The following DOT1L variants were observed in gnomAD, a reference collection of about 807,000 sequenced individuals.
DOT1L encodes histone-lysine N-methyltransferase, H3 lysine-79 specific.
In DOT1L, 33 loss-of-function variants were observed where a neutral mutation model predicts 153.3. That is an observed-to-expected ratio of 0.22 (90% CI 0.16 to 0.29). The LOEUF (loss-of-function observed/expected upper bound fraction) is 0.29, where lower values mean the gene tolerates loss of function less well. DOT1L is among the 10% of genes least tolerant of loss of function. The probability of loss-of-function intolerance (pLI) is 1.00; values close to 1 mark genes in which losing one functional copy is unlikely to be tolerated. For missense variants in DOT1L, 1,847 were observed against 2,119.9 expected (o/e 0.87, Z 2.53); for synonymous variants, 1,135 against 965.1 (o/e 1.18, Z -3.26).
intron 7 of DOT1L, among the ~76,000 whole-genome samples, chr19:2,196,245 C>T (rs2023015279): frequency 6.6e-6 from 1 of 152,250 alleles, no homozygotes; most frequent in African/African-American, 2.4e-5. Context: ...GAGCCCTTGC[C>T]AACTGGCTCT....
At chr19:2,209,533 C>T (rs769677629) in intron 12 of DOT1L, among the ~76,000 whole-genome samples, 1 of 152,220 alleles carries the variant, frequency 6.6e-6, no homozygotes, top group Non-Finnish European at 1.5e-5. Flanking sequence ...TCCTGGGCCC[C>T]CGCGCCCTGC....
At chr19:2,181,873 ACT>A (rs1158787453) in intron 2 of DOT1L, among the ~76,000 whole-genome samples, 1 of 151,674 alleles carries the variant, frequency 6.6e-6, no homozygotes, top group Admixed American at 6.6e-5. Flanking sequence ...GGGGGCCAAG[ACT>A]CTGCTGGCGT....
intron 9 of DOT1L, among the ~76,000 whole-genome samples, chr19:2,203,036 G>A (rs981617512): frequency 9.9e-5 from 15 of 151,666 alleles, no homozygotes; most frequent in African/African-American, 2.2e-4. Flanking sequence ...ATTCTTCTGC[G>A]TCAGTCTCCC....
chr19:2,216,893 A>G lies in DOT1L; in HGVS notation c.2409-62A>G, dbSNP rs2023926426. On this transcript the variant is annotated intron_variant, in intron 20 of 27. Transcript: ENST00000398665. ...GACTGAGGTGGGGAGGTGCTGGGCCAGGCCGCTGCCTCTGAGTGCCAGCCC... is the reference window on the plus strand; with the variant it reads ...GACTGAGGTGGGGAGGTGCTGGGCCGGGCCGCTGCCTCTGAGTGCCAGCCC... 4.5e-6 allele frequency: 7 copies of G among 1,569,354 alleles called. No individual in the cohort carries two copies. The Admixed American group carries it at 1.2e-4, about 27-fold the overall frequency.
intron 22 of DOT1L, among the ~76,000 whole-genome samples, chr19:2,219,401 G>A (rs949800580): frequency 2.6e-5 from 4 of 152,134 alleles, no homozygotes; most frequent in Non-Finnish European, 5.9e-5. Flanking sequence ...CTCCCTAGTC[G>A]TCCCCCAGCC....
At position 2,177,375 on chromosome 19, in the gene DOT1L, T is replaced by C. The variant is rs1029225454; in HGVS notation, c.82-3338T>C. Among the ~76,000 whole-genome samples, 5 of 152,066 alleles carry C rather than the reference T, an allele frequency of 3.3e-5. No individual in the cohort carries two copies. In the East Asian group the frequency reaches 7.7e-4, roughly 24 times the overall value. ...GCAATGCCGCGATCTCGGCTCACTG[T>C]AACCTCTGCCTCCCGGGTTCAAGCA... On this transcript the variant is annotated intron_variant, in intron 1 of 27. Coordinates refer to ENST00000398665, the MANE Select transcript of DOT1L (RefSeq NM_032482.3).
At position 2,226,703 on chromosome 19, in the gene DOT1L, A is replaced by G. The variant is rs756769886; in HGVS notation, c.4182A>G (p.Leu1394=). ...GCAAGGAGGCAGGGGAGGGCGGCCT[A>G]CCGCTGTGCGGGCCCACGGACAAGA... ...SRGKEAGEGG[L]PLCGPTDKTP... The change falls in exon 27 of 28, where the codon CTA becomes CTG. Residue 1394 remains leucine, a synonymous_variant. Coordinates refer to ENST00000398665, the MANE Select transcript of DOT1L (RefSeq NM_032482.3). 37 of 1,569,840 alleles carry G rather than the reference A, an allele frequency of 2.4e-5. 1 individual carries two copies. The South Asian group carries it at 4.0e-4, about 17-fold the overall frequency.
chr19:2,211,290 C>T, intron 15 of DOT1L, 78 bp downstream of exon 15: 1 of 1,297,096 alleles, frequency 7.7e-7, no homozygotes. Flanking sequence ...GTGACGCTGA[C>T]CTCGCAGCAG....
At chr19:2,169,334 G>C (rs1159383281) in intron 1 of DOT1L, among the ~76,000 whole-genome samples, 1 of 152,128 alleles carries the variant, frequency 6.6e-6, no homozygotes, top group Non-Finnish European at 1.5e-5. Context: ...TAAAGGAGTC[G>C]CTTTAAATAG....
rs1023702109 is a variant in DOT1L at position 2,217,466 on chromosome 19, T to C, written c.2545-306T>C. ...GGAAGGACGGTGACGTTGCATGGACTTGGCAGTGATGGATGTGGGCCCTGG... is the reference window on the plus strand; with the variant it reads ...GGAAGGACGGTGACGTTGCATGGACCTGGCAGTGATGGATGTGGGCCCTGG... On this transcript the variant is annotated intron_variant, in intron 21 of 27. Coordinates refer to ENST00000398665, the MANE Select transcript of DOT1L (RefSeq NM_032482.3). This position sits in a 1 kb window ranked among gnomAD's most constrained non-coding sequence, Gnocchi z 7.3. Among the ~76,000 whole-genome samples, 3 of 152,134 alleles carry C rather than the reference T, an allele frequency of 2.0e-5. No homozygotes were observed. The highest frequency in any genetic ancestry group is 4.4e-5 in the Non-Finnish European group (3 of 68,000).
chr19:2,225,431 C>A lies in DOT1L; in HGVS notation c.3640C>A (p.Pro1214Thr), dbSNP rs1302008529. The change falls in exon 26 of 28, where the codon CCC becomes ACC. Residue 1214 changes from proline to threonine, a missense_variant. Physicochemically the swap from Pro to Thr is conservative, Grantham distance 38 (BLOSUM62 -1). Transcript: ENST00000398665. ...AACAATCTCCTTAGAAAGCAAATCT[C>A]CCCCGAAAACCTTGGAAAATGGTGA... ...IATISLESKS[P>T]PKTLENGGGL... The A allele has an allele frequency of 2.5e-6, 4 of 1,614,078 alleles. No homozygotes were observed. Among genetic ancestry groups the A allele is most frequent in the Non-Finnish European group, 3.4e-6 (4 of 1,180,032 alleles).
chr19:2,216,159 T>C, intron 19 of DOT1L, 122 bp from the exon 20 acceptor site: 1 of 1,422,720 alleles, frequency 7.0e-7, no homozygotes, highest in Non-Finnish European at 9.3e-7. Flanking sequence ...AGCTTTGGTT[T>C]TTCCATCCCA....
Position 2,216,700 on chromosome 19 carries a change from G to A in DOT1L, c.2343G>A (p.Leu781=), listed in dbSNP as rs1177486690. 1 of 1,602,466 alleles carries A rather than the reference G, an allele frequency of 6.2e-7. No individual in the cohort carries two copies. The highest frequency in any genetic ancestry group is 1.1e-5 in the South Asian group (1 of 91,056). The part of the protein sequence containing the change: ...YTRLSPAKIV[L]RRHLSQDHTV... ...GGCTGTCCCCGGCCAAGATTGTGCT[G>A]AGGCGGCACCTGAGCCAGGACCACA... Residue 781 remains leucine (L), a synonymous_variant, in exon 20 of 28, where the codon CTG becomes CTA. Transcript: ENST00000398665.
At chr19:2,189,557 T>C (rs1259166090) in intron 3 of DOT1L, among the ~76,000 whole-genome samples, 175 bp from the exon 4 acceptor site, 2 of 152,150 alleles carry the variant, frequency 1.3e-5, no homozygotes, top group African/African-American at 4.8e-5. Flanking sequence ...AAACCTGAAA[T>C]CTCCTGCATC....
intron 1 of DOT1L, 99 bp downstream of exon 1, chr19:2,164,364 C>A (rs1001491544): frequency 1.0e-5 from 8 of 803,554 alleles, no homozygotes; most frequent in East Asian, 3.6e-5. Flanking sequence ...ACCGGTCCCC[C>A]CTGCGGAACG....
rs1472196997 is a variant in DOT1L at position 2,232,379 on chromosome 19, C to T, written c.*2587C>T. The T allele has an allele frequency of 1.8e-5, 4 of 219,618 alleles. No homozygotes were observed. Among genetic ancestry groups the T allele is most frequent in the South Asian group, 3.7e-4 (2 of 5,358 alleles). 13.6% of individuals were successfully genotyped at this position (219,618 alleles called of 1,614,324 possible). Reference sequence around the variant, plus strand: ...CCCTCGCCATCGTGGTCAGACCCCCCTCCCAACACAACACGCTGCTGGTCT... The same window carrying T: ...CCCTCGCCATCGTGGTCAGACCCCCTTCCCAACACAACACGCTGCTGGTCT... On this transcript the variant is annotated 3_prime_UTR_variant, in exon 28 of 28. Transcript: ENST00000398665.
At chr19:2,170,210 ACT>A (rs1568325190) in intron 1 of DOT1L, among the ~76,000 whole-genome samples, 1 of 152,110 alleles carries the variant, frequency 6.6e-6, no homozygotes, top group Non-Finnish European at 1.5e-5. Context: ...GCTGCAAATC[ACT>A]CTTGGTGTTA....
chr19:2,227,064 A>C lies in DOT1L; in HGVS notation c.4543A>C (p.Thr1515Pro). ...AGLVHVSSAA[T>P]RLTNSHAMGS... ...CCTGGTGCACGTGTCGTCCGCTGCC[A>C]CCAGACTGACCAACTCGCACGCCAT... Residue 1515 changes from threonine to proline, a missense_variant, in exon 27 of 28, where the codon ACC becomes CCC. By Grantham distance (38) the Thr-to-Pro change is conservative. Transcript: ENST00000398665. 6.4e-7 allele frequency: 1 copy of C among 1,569,904 alleles called. No individual in the cohort carries two copies. The highest frequency in any genetic ancestry group is 8.6e-7 in the Non-Finnish European group (1 of 1,163,126).
chr19:2,185,626 A>G (rs1471787881), intron 2 of DOT1L, among the ~76,000 whole-genome samples: 2 of 152,112 alleles, frequency 1.3e-5, no homozygotes, highest in Non-Finnish European at 2.9e-5. Context: ...AAAATTAGCC[A>G]GGCGTGGTGG....
Sources: gnomAD v4.1 joint callset for allele counts (sites outside exome capture counted in the v4.1 genomes callset) on GRCh38, gnomAD v4.1.1 for gene constraint, Gnocchi (gnomAD v3.1) non-coding constraint, MANE v1.5 for transcripts, NCBI Gene and HGNC (gene_info 2026-07-23, HGNC 2026-07-21) for gene names.